Variants in SNAPC1 observed in about 807,000 individuals in gnomAD.
The protein encoded by SNAPC1 is snRNA-activating protein complex subunit 1.
In SNAPC1, 42 loss-of-function variants were observed where a neutral mutation model predicts 50.1. That is an observed-to-expected ratio of 0.84 (90% CI 0.65 to 1.08). SNAPC1 has a LOEUF of 1.08. Among genes scored for constraint, SNAPC1 ranks in the 50% least tolerant of loss-of-function variants. SNAPC1 has a pLI of 0.00. For synonymous variants in SNAPC1, 164 were observed against 144.2 expected, an observed-to-expected ratio of 1.14 and a Z score of -0.98; for missense variants, 477 against 427.3, an observed-to-expected ratio of 1.12 and a Z score of -1.02.
At chr14:61,790,434 C>T (rs1168067287) in intron 8 of SNAPC1, among the ~76,000 whole-genome samples, 2 of 152,160 alleles carry the variant, frequency 1.3e-5, no homozygotes, top group African/African-American at 4.8e-5. Context: ...CTCCTGGGTT[C>T]AAGCGATTCT....
chr14:61,765,973 G>A (rs1376345259), intron 1 of SNAPC1, among the ~76,000 whole-genome samples: 1 of 152,206 alleles, frequency 6.6e-6, no homozygotes, highest in Non-Finnish European at 1.5e-5. Context: ...AAATCCCTGA[G>A]AGTATTGGAG....
intron 1 of SNAPC1, among the ~76,000 whole-genome samples, chr14:61,766,508 T>G (rs2044949661): frequency 6.6e-6 from 1 of 152,230 alleles, no homozygotes. Context: ...AAGTGATACT[T>G]CTTTATAGCA....
At chr14:61,765,097 G>A (rs2044937116) in intron 1 of SNAPC1, among the ~76,000 whole-genome samples, 2 of 152,070 alleles carry the variant, frequency 1.3e-5, no homozygotes, top group African/African-American at 2.4e-5. Context: ...CTAATTTCAG[G>A]TCTTACATAG....
intron 9 of SNAPC1, among the ~76,000 whole-genome samples, chr14:61,793,279 G>A (rs1175730039): frequency 6.6e-6 from 1 of 152,014 alleles, no homozygotes; most frequent in Non-Finnish European, 1.5e-5. Context: ...GGGTTGCCCA[G>A]GCTGGAGTGC....
In SNAPC1 at chr14:61,775,416, C is replaced by T. The variant is rs546256458; in HGVS notation, c.535-679C>T. ...GATTACAGGCGCCCACCCCCATACC[C>T]GGCTAATTTTTGTATTTTTAGTAGA... On this transcript the variant is annotated intron_variant, in intron 4 of 9. Transcript: ENST00000216294. Among the ~76,000 whole-genome samples, 7 of 152,048 alleles carry T rather than the reference C, an allele frequency of 4.6e-5. No homozygotes were observed. The East Asian group carries it at 1.2e-3, about 25-fold the overall frequency.
At chr14:61,780,240 C>T (rs2045062524) in intron 7 of SNAPC1, among the ~76,000 whole-genome samples, 1 of 152,176 alleles carries the variant, frequency 6.6e-6, no homozygotes, top group East Asian at 1.9e-4. Flanking sequence ...GCTCACCATT[C>T]CTTATGCAGG....
chr14:61,794,262 A>G (rs1361161747), intron 9 of SNAPC1, among the ~76,000 whole-genome samples: 1 of 152,178 alleles, frequency 6.6e-6, no homozygotes, highest in Non-Finnish European at 1.5e-5. Flanking sequence ...GGGTGTACCC[A>G]TATGAAACAA....
At chr14:61,781,404 C>T (rs1482299723) in intron 7 of SNAPC1, among the ~76,000 whole-genome samples, 22 of 140,960 alleles carry the variant, frequency 1.6e-4, no homozygotes, top group African/African-American at 5.7e-4. Flanking sequence ...GAGCTGAGGT[C>T]GTGCCACTGC....
chr14:61,771,587 T>A (rs1487609723), intron 4 of SNAPC1, among the ~76,000 whole-genome samples: 2 of 152,218 alleles, frequency 1.3e-5, no homozygotes, highest in East Asian at 3.8e-4. Flanking sequence ...GTATTTTGTC[T>A]TTTTGGCAGA....
At chr14:61,785,645 AAT>A (rs2045110771) in intron 8 of SNAPC1, among the ~76,000 whole-genome samples, 2 of 152,200 alleles carry the variant, frequency 1.3e-5, no homozygotes, top group Admixed American at 6.5e-5. Context: ...ACACATCATC[AAT>A]ATGTGTAAGT....
intron 1 of SNAPC1, among the ~76,000 whole-genome samples, chr14:61,762,948 T>C (rs2044917704): frequency 6.6e-6 from 1 of 150,452 alleles, no homozygotes; most frequent in Admixed American, 6.6e-5. Context: ...CCTTCAAGAT[T>C]GAATTAATTT....
intron 9 of SNAPC1, among the ~76,000 whole-genome samples, chr14:61,793,323 G>A (rs2140187758): frequency 6.6e-6 from 1 of 151,510 alleles, no homozygotes; most frequent in Admixed American, 6.6e-5. Context: ...CTACAGCTTC[G>A]ACCTCCCCGG....
chr14:61,778,522 C>T (rs539130216), intron 6 of SNAPC1, among the ~76,000 whole-genome samples: 1 of 152,300 alleles, frequency 6.6e-6, no homozygotes, highest in African/African-American at 2.4e-5. Flanking sequence ...AGACAAGGAG[C>T]CATCTTTGAG....
At chr14:61,789,059 C>T (rs1051614063) in intron 8 of SNAPC1, among the ~76,000 whole-genome samples, 15 of 152,008 alleles carry the variant, frequency 9.9e-5, no homozygotes. Context: ...GGTGAAACCC[C>T]ACCTCTACTG....
intron 4 of SNAPC1, among the ~76,000 whole-genome samples, chr14:61,773,131 G>C (rs781719197): frequency 6.6e-6 from 1 of 152,094 alleles, no homozygotes; most frequent in Non-Finnish European, 1.5e-5. Context: ...TCTGCCACTT[G>C]TTCTAGTTTT....
chr14:61,794,398 G>GT (rs1211635369), intron 9 of SNAPC1, among the ~76,000 whole-genome samples: 63 of 151,642 alleles, frequency 4.2e-4, no homozygotes, highest in African/African-American at 1.3e-3. Context: ...GTTGTTATGT[G>GT]TTTTTTTTGT....
chr14:61,792,533 ATATGG>A (rs916780773), intron 8 of SNAPC1, among the ~76,000 whole-genome samples: 2 of 152,194 alleles, frequency 1.3e-5, no homozygotes, highest in Non-Finnish European at 2.9e-5. Context: ...TAAAGATTAA[ATATGG>A]TATTTGTGTT....
chr14:61,775,921 G>GTTAATGAAGTTGTAC (rs1441670093), intron 4 of SNAPC1, among the ~76,000 whole-genome samples, 174 bp from the exon 5 acceptor site: 103 of 152,216 alleles, frequency 6.8e-4, no homozygotes, highest in African/African-American at 1.7e-3. Flanking sequence ...ACACCTCTAT[G>GTTAATGAAGTTGTAC]TTAATGAAGT....
chr14:61,778,326 A>G (rs544599132), intron 6 of SNAPC1, among the ~76,000 whole-genome samples, 186 bp downstream of exon 6: 2 of 151,804 alleles, frequency 1.3e-5, no homozygotes, highest in African/African-American at 2.4e-5. Flanking sequence ...AGAGAGGATG[A>G]TAATAATTTT....
Sources: allele counts gnomAD v4.1 joint callset (sites outside exome capture counted in the v4.1 genomes callset), GRCh38; gene constraint gnomAD v4.1.1; transcripts MANE v1.5; gene names NCBI Gene and HGNC (gene_info 2026-07-23, HGNC 2026-07-21).